NAV1: variants seen among roughly 807,000 people sequenced by gnomAD.
The protein encoded by NAV1 is pore membrane and/or filament interacting like protein 3.
A neutral mutation model predicts 175.2 loss-of-function variants in NAV1; 18 were observed. That is an observed-to-expected ratio of 0.10 (90% CI 0.07 to 0.15). The LOEUF is 0.15. Ranked by LOEUF, NAV1 falls within the 10% of genes least tolerant of loss-of-function variation. The pLI is 1.00. For synonymous variants in NAV1, 897 were observed against 978.7 expected, an observed-to-expected ratio of 0.92 and a Z score of 1.56; for missense variants, 1,731 against 2,436.6, an observed-to-expected ratio of 0.71 and a Z score of 6.10.
chr1:201,626,439 C>T (rs888161860), intron 1 of NAV1, among the ~76,000 whole-genome samples: 12 of 152,208 alleles, frequency 7.9e-5, no homozygotes, highest in Non-Finnish European at 1.5e-4. Context: ...CCTGCCCCAT[C>T]CTCCACAGCC....
In NAV1 at chr1:201,782,985, G is replaced by T. The variant is rs186280572; in HGVS notation, c.2357+116G>T. The T allele has an allele frequency of 3.0e-5, 26 of 852,812 alleles. No individual in the cohort carries two copies. In the East Asian group the frequency reaches 6.0e-4, roughly 20 times the overall value. 52.8% of individuals were successfully genotyped at this position (852,812 alleles called of 1,614,324 possible). A position where few individuals can be genotyped will look rare whatever the true frequency, so the allele number is the denominator to read the frequency against. Reference sequence around the variant, plus strand: ...TATCCACCGTTGTCTCTAGGCCTTTGCATGGCTCTTTCCCACCTCTCCCCC... The same window carrying T: ...TATCCACCGTTGTCTCTAGGCCTTTTCATGGCTCTTTCCCACCTCTCCCCC... On this transcript the variant is annotated intron_variant, in intron 6 of 29. Coordinates refer to ENST00000367296, the Ensembl canonical transcript of NAV1. The surrounding 1 kb of genome is among the most constrained non-coding windows in gnomAD (Gnocchi z 5.4).
At chr1:201,756,124 A>G (rs1474038352) in intron 3 of NAV1, among the ~76,000 whole-genome samples, 1 of 151,562 alleles carries the variant, frequency 6.6e-6, no homozygotes, top group East Asian at 1.9e-4. Context: ...AAAAAAAAAA[A>G]AAGTGGTGTA....
chr1:201,577,435 C>G (rs1264034977), intron 1 of NAV1, among the ~76,000 whole-genome samples: 1 of 148,488 alleles, frequency 6.7e-6, no homozygotes, highest in Non-Finnish European at 1.5e-5. Flanking sequence ...ACACACAATC[C>G]ATTTGGGTTA....
intron 3 of NAV1, chr1:201,739,805 G>T: frequency 8.1e-7 from 1 of 1,228,604 alleles, no homozygotes. Flanking sequence ...AGTCAGCGGC[G>T]GGGAAATGGG....
At chr1:201,607,555 G>A (rs1031592821) in intron 2 of NAV1, among the ~76,000 whole-genome samples, 9 of 151,958 alleles carry the variant, frequency 5.9e-5, no homozygotes, top group African/African-American at 1.5e-4. Context: ...TCAGTGGCAC[G>A]ATCTCGGCTC....
intron 2 of NAV1, among the ~76,000 whole-genome samples, chr1:201,635,236 G>A (rs924414819): frequency 7.9e-5 from 12 of 151,244 alleles, no homozygotes; most frequent in African/African-American, 2.7e-4. Flanking sequence ...TAGTAGAGAC[G>A]GGGTTTCACT....
At chr1:201,790,528 C>T (rs923573719) in intron 11 of NAV1, 26 bp from the exon 16 acceptor site, 1 of 1,613,850 alleles carries the variant, frequency 6.2e-7, no homozygotes, top group Non-Finnish European at 8.5e-7. Flanking sequence ...CTCTCTCTTT[C>T]TCTCCTTCTG....
chr1:201,594,532 C>A (rs1667298706), intron 2 of NAV1, among the ~76,000 whole-genome samples: 1 of 152,234 alleles, frequency 6.6e-6, no homozygotes, highest in South Asian at 2.1e-4. Context: ...CCCATGCAGG[C>A]CCCATAAACT....
At chr1:201,580,904 A>G (rs1666837400) in intron 1 of NAV1, among the ~76,000 whole-genome samples, 1 of 152,176 alleles carries the variant, frequency 6.6e-6, no homozygotes, top group African/African-American at 2.4e-5. Flanking sequence ...AAACTTTGAA[A>G]GATAAATGGA....
chr1:201,628,754 G>C (rs1015013758), intron 1 of NAV1, among the ~76,000 whole-genome samples: 9 of 152,196 alleles, frequency 5.9e-5, no homozygotes, highest in African/African-American at 2.2e-4. Flanking sequence ...GCAACTGTAC[G>C]GTTGAGGTTG....
intron 3 of NAV1, among the ~76,000 whole-genome samples, chr1:201,775,767 A>G (rs1280162847): frequency 6.6e-6 from 1 of 152,234 alleles, no homozygotes; most frequent in Non-Finnish European, 1.5e-5. Context: ...AATTTAAAAT[A>G]TGGTAGAAGC....
intron 3 of NAV1, among the ~76,000 whole-genome samples, chr1:201,725,316 G>A (rs1672557501): frequency 6.6e-6 from 1 of 152,184 alleles, no homozygotes; most frequent in East Asian, 1.9e-4. Flanking sequence ...CGCCTAGCGG[G>A]ACAGCTGGGC....
chr1:201,640,379 G>A (rs1474223185), intron 2 of NAV1, among the ~76,000 whole-genome samples: 2 of 152,228 alleles, frequency 1.3e-5, no homozygotes, highest in Non-Finnish European at 1.5e-5. Context: ...GCCACTCAGA[G>A]CATCCATATT....
chr1:201,617,751 G>A (rs1053943120), intron 2 of NAV1, among the ~76,000 whole-genome samples: 1 of 152,156 alleles, frequency 6.6e-6, no homozygotes, highest in African/African-American at 2.4e-5. Context: ...AGATTGTCCT[G>A]CTTCTCAGAC....
chr1:201,596,250 T>C lies in NAV1; in HGVS notation c.-33+7601T>C, dbSNP rs1667344726. On this transcript the variant is annotated intron_variant, in intron 2 of 33. Transcript: ENST00000685211. Reference sequence around the variant, plus strand: ...TTTCTCTCTTGAGCCTCTGTCCACCTGTAGACCCCATCTCTCCCATCAGGC... The same window carrying C: ...TTTCTCTCTTGAGCCTCTGTCCACCCGTAGACCCCATCTCTCCCATCAGGC... 3.3e-5 allele frequency among the ~76,000 whole-genome samples: 5 copies of C among 152,362 alleles called. No homozygotes were observed. In the South Asian group the frequency reaches 1.0e-3, roughly 32 times the overall value.
intron 3 of NAV1, among the ~76,000 whole-genome samples, chr1:201,732,735 A>T (rs966272269): frequency 2.0e-5 from 3 of 152,194 alleles, no homozygotes; most frequent in African/African-American, 7.2e-5. Flanking sequence ...GACACTGCAG[A>T]TGTGGCAGGA....
intron 1 of NAV1, among the ~76,000 whole-genome samples, chr1:201,584,563 G>C (rs767484592): frequency 1.3e-5 from 2 of 152,198 alleles, no homozygotes; most frequent in African/African-American, 4.8e-5. Context: ...ACCAAATCCT[G>C]GAGATGGAAT....
intron 2 of NAV1, among the ~76,000 whole-genome samples, chr1:201,634,440 A>G (rs1032423320): frequency 6.6e-6 from 1 of 152,286 alleles, no homozygotes; most frequent in Non-Finnish European, 1.5e-5. Context: ...CATACGTTCT[A>G]TGACCTCACT....
chr1:201,645,049 G>T (rs529732055), upstream of NAV1, among the ~76,000 whole-genome samples: 1 of 152,256 alleles, frequency 6.6e-6, no homozygotes, highest in Admixed American at 6.5e-5. Flanking sequence ...GCCCATTACT[G>T]GGTATATACC....
Sources: gnomAD v4.1 joint callset for allele counts (sites outside exome capture counted in the v4.1 genomes callset) on GRCh38, gnomAD v4.1.1 for gene constraint, Gnocchi (gnomAD v3.1) non-coding constraint, MANE v1.5 for transcripts, NCBI Gene and HGNC (gene_info 2026-07-23, HGNC 2026-07-21) for gene names.